Variants in CALCR observed in about 807,000 individuals in gnomAD.
CALCR encodes the protein calcitonin receptor.
A neutral mutation model predicts 59.5 loss-of-function variants in CALCR; 47 were observed. The ratio of observed to expected loss-of-function variants is 0.79; its 90% CI spans 0.63 to 1.01. The LOEUF (loss-of-function observed/expected upper bound fraction) is 1.01. Among genes scored for constraint, CALCR ranks in the 50% least tolerant of loss-of-function variants. The probability of loss-of-function intolerance (pLI) is 0.00; values close to 1 mark genes in which losing one functional copy is unlikely to be tolerated. For synonymous variants in CALCR, 213 were observed against 211.3 expected (o/e 1.01, Z -0.07); for missense variants, 566 against 597.1 (o/e 0.95, Z 0.54).
At chr7:93,463,962 C>T (rs1248120062) in intron 7 of CALCR, among the ~76,000 whole-genome samples, 1 of 151,966 alleles carries the variant, frequency 6.6e-6, no homozygotes, top group African/African-American at 2.4e-5. Flanking sequence ...GATGAGACAA[C>T]ATAATTTACT....
intron 2 of CALCR, among the ~76,000 whole-genome samples, chr7:93,562,764 A>G (rs1248105059): frequency 6.6e-6 from 1 of 152,234 alleles, no homozygotes; most frequent in Non-Finnish European, 1.5e-5. Context: ...TTGGCTCTTC[A>G]ATAAAGAATA....
At position 93,472,495 on chromosome 7, in the gene CALCR, T is replaced by C. The variant is rs777828781; in HGVS notation, c.317-8A>G. ...AGTATTTTGTAACCTTTTCTGTTAA[T>C]GAAACATAACAGTTATTGCATTAAT... On this transcript the variant is annotated splice_polypyrimidine_tract_variant and splice_region_variant and intron_variant, in intron 5 of 13. Transcript: ENST00000426151. The C allele has an allele frequency of 2.0e-6, 3 of 1,468,802 alleles. No homozygotes were observed. Among genetic ancestry groups the C allele is most frequent in the South Asian group, 1.2e-5 (1 of 86,792 alleles). 91.0% of individuals were successfully genotyped at this position (1,468,802 alleles called of 1,614,324 possible).
At chr7:93,483,408 TATAG>T (rs71782849) in intron 3 of CALCR, among the ~76,000 whole-genome samples, 65,198 of 140,614 alleles carry the variant, frequency 0.46, 16,897 homozygotes, top group Non-Finnish European at 0.58. Context: ...GGGCTGACTG[TATAG>T]ATAGATAGAT....
chr7:93,454,861 G>A (rs1289381887), intron 8 of CALCR, among the ~76,000 whole-genome samples: 1 of 150,766 alleles, frequency 6.6e-6, no homozygotes, highest in African/African-American at 2.4e-5. Context: ...TACTTTAATG[G>A]GAAAAGGACC....
chr7:93,507,690 G>A (rs1050077270), intron 2 of CALCR, among the ~76,000 whole-genome samples: 6 of 149,038 alleles, frequency 4.0e-5, no homozygotes, highest in South Asian at 2.1e-4. Context: ...GGTGGATCAC[G>A]AGGTCAGGAG....
chr7:93,571,626 CTGT>C (rs1309251594), intron 2 of CALCR, among the ~76,000 whole-genome samples: 5 of 151,908 alleles, frequency 3.3e-5, no homozygotes, highest in Admixed American at 6.6e-5. Flanking sequence ...ATAAATGCTG[CTGT>C]TAAGTTGTAA....
At chr7:93,503,965 T>G (rs1801375380) in intron 2 of CALCR, among the ~76,000 whole-genome samples, 1 of 152,164 alleles carries the variant, frequency 6.6e-6, no homozygotes, top group African/African-American at 2.4e-5. Flanking sequence ...CAATTAGCAA[T>G]ACACTGAAGA....
At chr7:93,566,997 C>T (rs991414098) in intron 2 of CALCR, among the ~76,000 whole-genome samples, 5 of 152,104 alleles carry the variant, frequency 3.3e-5, no homozygotes, top group Non-Finnish European at 5.9e-5. Context: ...GTAGCTCCAG[C>T]CTAGTGCAAG....
At chr7:93,535,665 T>A (rs1434814211) in intron 2 of CALCR, among the ~76,000 whole-genome samples, 1 of 151,702 alleles carries the variant, frequency 6.6e-6, no homozygotes, top group Non-Finnish European at 1.5e-5. Context: ...ATAAAGAAAA[T>A]TACAACAGAA....
At chr7:93,467,629 T>G (rs980166789) in intron 7 of CALCR, among the ~76,000 whole-genome samples, 4 of 151,634 alleles carry the variant, frequency 2.6e-5, no homozygotes, top group African/African-American at 9.7e-5. Flanking sequence ...AAACATATAG[T>G]TCAGTAGTGA....
chr7:93,480,725 G>T (rs544874243), intron 3 of CALCR, among the ~76,000 whole-genome samples: 1 of 151,962 alleles, frequency 6.6e-6, no homozygotes, highest in Admixed American at 6.6e-5. Flanking sequence ...AGAGTTTGGA[G>T]AGAGTAGGGA....
intron 2 of CALCR, among the ~76,000 whole-genome samples, chr7:93,504,744 A>T (rs1489108713): frequency 6.6e-6 from 1 of 152,160 alleles, no homozygotes; most frequent in Non-Finnish European, 1.5e-5. Flanking sequence ...TCATGCCATA[A>T]GAATGAGGTA....
chr7:93,567,991 C>T (rs1037578328), intron 2 of CALCR, among the ~76,000 whole-genome samples: 3 of 152,090 alleles, frequency 2.0e-5, no homozygotes, highest in Admixed American at 1.3e-4. Context: ...TCATTTTTCT[C>T]CCCATACACT....
intron 2 of CALCR, among the ~76,000 whole-genome samples, chr7:93,573,929 C>A (rs1303661317): frequency 6.6e-6 from 1 of 152,170 alleles, no homozygotes; most frequent in African/African-American, 2.4e-5. Context: ...TTAATAAACA[C>A]CCTTTGGGAA....
At chr7:93,548,839 AGTG>A (rs1789366249) in intron 2 of CALCR, among the ~76,000 whole-genome samples, 1 of 137,326 alleles carries the variant, frequency 7.3e-6, no homozygotes, top group Non-Finnish European at 1.6e-5. Flanking sequence ...ATCCAGAAGA[AGTG>A]TGTGTGTGTG....
At chr7:93,428,007 GTTTTA>G (rs1433139276) in intron 13 of CALCR, among the ~76,000 whole-genome samples, 8 of 149,670 alleles carry the variant, frequency 5.3e-5, no homozygotes, top group African/African-American at 1.8e-4. Context: ...CCTGAGTTTT[GTTTTA>G]TTTTGTTTTG....
chr7:93,559,728 T>C (rs1266398235), intron 2 of CALCR: 1 of 152,024 alleles, frequency 6.6e-6, no homozygotes, highest in African/African-American at 2.4e-5. Context: ...TTTTCATAAA[T>C]TGCGGGCAGC....
At chr7:93,470,651 T>C (rs1460521846) in intron 6 of CALCR, among the ~76,000 whole-genome samples, 1 of 151,008 alleles carries the variant, frequency 6.6e-6, no homozygotes, top group Non-Finnish European at 1.5e-5. Flanking sequence ...AAGGTTGACT[T>C]TTTTTTTAAT....
chr7:93,558,243 A>G lies in CALCR; in HGVS notation c.-27+16046T>C, dbSNP rs181230759. Among the ~76,000 whole-genome samples, 25 of 151,954 alleles carry G rather than the reference A, an allele frequency of 1.6e-4. No homozygotes were observed. The East Asian group carries it at 4.8e-3, about 29-fold the overall frequency. ...CCTTCTACCTACTGCCTTGTATCCA[A>G]TTTTTAGAAAGAAATAAAACAATTC... On this transcript the variant is annotated intron_variant, in intron 2 of 13. Transcript: ENST00000426151.
Sources: gnomAD v4.1 joint callset for allele counts (sites outside exome capture counted in the v4.1 genomes callset) on GRCh38, gnomAD v4.1.1 for gene constraint, MANE v1.5 for transcripts, NCBI Gene and HGNC (gene_info 2026-07-23, HGNC 2026-07-21) for gene names.